The following MASP1 variants were observed in gnomAD, a reference collection of about 807,000 sequenced individuals.
MASP1 encodes mannan-binding lectin serine protease 1.
MASP1 carries 59 observed loss-of-function variants against 77.1 expected under a neutral mutation model. The ratio of observed to expected loss-of-function variants is 0.77; its 90% confidence interval spans 0.62 to 0.95. MASP1 has a LOEUF of 0.95. Among genes scored for constraint, MASP1 ranks in the 40% least tolerant of loss-of-function variants. The pLI, the probability that MASP1 is intolerant of heterozygous loss-of-function variation, is 0.00. For synonymous variants in MASP1, 362 were observed against 354.5 expected, an observed-to-expected ratio of 1.02 and a Z score of -0.24; for missense variants, 885 against 912.9, an observed-to-expected ratio of 0.97 and a Z score of 0.39.
intron 8 of MASP1, chr3:187,245,000 A>G (rs747930261): frequency 7.2e-5 from 11 of 152,222 alleles, no homozygotes; most frequent in Non-Finnish European, 1.6e-4. Flanking sequence ...GGAGGAAAAG[A>G]TGAAGGAGGG....
chr3:187,273,018 C>G (rs1443443317), intron 2 of MASP1, among the ~76,000 whole-genome samples: 2 of 152,136 alleles, frequency 1.3e-5, no homozygotes, highest in African/African-American at 4.8e-5. Flanking sequence ...ATACGTTGAG[C>G]ACTCAGTACA....
At chr3:187,287,657 C>T (rs1717972573) in intron 1 of MASP1, among the ~76,000 whole-genome samples, 1 of 152,138 alleles carries the variant, frequency 6.6e-6, no homozygotes, top group Non-Finnish European at 1.5e-5. Flanking sequence ...ATATAAAGGT[C>T]CCAGTACAGA....
chr3:187,234,417 A>G lies in MASP1; in HGVS notation c.*1267T>C. The G allele has an allele frequency of 7.8e-7, 1 of 1,286,628 alleles. No homozygotes were observed. The highest frequency in any genetic ancestry group is 1.2e-5 in the South Asian group (1 of 80,922). The allele number at this position is 1,286,628 out of a possible 1,614,324, so 79.7% of individuals were successfully genotyped here. A position where few individuals can be genotyped will look rare whatever the true frequency, so the allele number is the denominator to read the frequency against. ...GCTCTGAGTGCTCCAGCTAGAAGGA[A>G]CCTGCAGGGGACCTTATGCCAGCCT... On this transcript the variant is annotated 3_prime_UTR_variant, in exon 11 of 11. Transcript: ENST00000296280.
At chr3:187,242,093 G>A (rs1411387076) in intron 9 of MASP1, 1 of 159,420 alleles carries the variant, frequency 6.3e-6, no homozygotes, top group East Asian at 1.8e-4. Flanking sequence ...GCTCCCTGTT[G>A]CACAGATGCC....
intron 2 of MASP1, among the ~76,000 whole-genome samples, chr3:187,278,005 C>A (rs1275409037): frequency 2.0e-5 from 3 of 152,174 alleles, no homozygotes; most frequent in African/African-American, 7.2e-5. Flanking sequence ...TGATACCAGG[C>A]AGACACTTTA....
At chr3:187,233,095 C>T (rs1712869278), downstream of MASP1, among the ~76,000 whole-genome samples, 1 of 152,160 alleles carries the variant, frequency 6.6e-6, no homozygotes, top group South Asian at 2.1e-4. Flanking sequence ...TGGGTCTGCA[C>T]CATCCCTCAT....
chr3:187,254,856 C>A (rs1186021754), intron 5 of MASP1, among the ~76,000 whole-genome samples: 2 of 152,056 alleles, frequency 1.3e-5, no homozygotes, highest in African/African-American at 4.8e-5. Context: ...GGCCATGACT[C>A]CTTATCTATC....
intron 4 of MASP1, 90 bp from the exon 5 acceptor site, chr3:187,256,950 TCC>T: frequency 8.9e-7 from 1 of 1,119,868 alleles, no homozygotes. Context: ...TTCCCAATGG[TCC>T]CAAGCAGTAG....
chr3:187,219,527 C>T (rs7611174), exon 16 of MASP1: 4,779 of 161,446 alleles, frequency 0.03, 261 homozygotes, highest in African/African-American at 0.11. Context: ...GCAAGTTGCA[C>T]GGTGGCAAAA....
In MASP1 at chr3:187,236,036, G is replaced by T. The variant is rs747024299; in HGVS notation, c.1835C>A (p.Thr612Asn). The change falls in exon 11 of 11, where the codon ACC (threonine) becomes AAC (asparagine). Residue 612 changes from threonine (T) to asparagine (N), a missense_variant. Thr to Asn is a moderately conservative substitution (Grantham distance 65, BLOSUM62 0). Coordinates refer to ENST00000296280, the MANE Select transcript of MASP1 (RefSeq NM_139125.4). ...GACATACTGCAGGACATCTGACAAG[G>T]TCCGTGTGCCACTGCTGATGATCTC... ...VDEIISSGTR[T>N]LSDVLQYVKL... 1.9e-6 allele frequency: 3 copies of T among 1,614,162 alleles called. No individual in the cohort carries two copies.
exon 16 of MASP1, chr3:187,220,111 T>C (rs1711950712): frequency 6.2e-7 from 1 of 1,613,986 alleles, no homozygotes; most frequent in African/African-American, 1.3e-5. Context: ...CCAGTCCTTG[T>C]TGTGGTGGAT....
chr3:187,272,010 A>T (rs1224571919), intron 2 of MASP1, among the ~76,000 whole-genome samples: 2 of 151,688 alleles, frequency 1.3e-5, no homozygotes, highest in African/African-American at 4.9e-5. Flanking sequence ...CCTAAAACTC[A>T]CAGATGGCAG....
chr3:187,236,772 G>A (rs1436982865), intron 10 of MASP1, among the ~76,000 whole-genome samples: 1 of 152,180 alleles, frequency 6.6e-6, no homozygotes, highest in African/African-American at 2.4e-5. Flanking sequence ...CCCATCTCTA[G>A]TCTGGCTTTT....
chr3:187,235,975 A>G lies in MASP1; in HGVS notation c.1896T>C (p.Thr632=), dbSNP rs710457. The change falls in exon 11 of 11, where the codon ACT becomes ACC. Residue 632 remains threonine (T), a synonymous_variant. Coordinates refer to ENST00000296280, the MANE Select transcript of MASP1 (RefSeq NM_139125.4). ...AATTGCCCGAGCGGGACTCATAGCT[A>G]GTTTTGCACTCAGCGTGAGGCACCA... The part of the protein sequence containing the change: ...LPVVPHAECK[T]SYESRSGNYS... 4 of 1,614,230 alleles carry G rather than the reference A, an allele frequency of 2.5e-6. No individual in the cohort carries two copies. Among genetic ancestry groups the G allele is most frequent in the Middle Eastern group, 1.6e-4 (1 of 6,062 alleles).
intron 10 of MASP1, among the ~76,000 whole-genome samples, chr3:187,237,891 T>A (rs1204523988): frequency 6.6e-6 from 1 of 152,220 alleles, no homozygotes; most frequent in African/African-American, 2.4e-5. Context: ...GAGAGCAGGC[T>A]TTTAGCAACC....
At chr3:187,247,227 G>A (rs1166528194) in intron 8 of MASP1, 2 of 1,600,158 alleles carry the variant, frequency 1.2e-6, no homozygotes, top group Non-Finnish European at 1.7e-6. Flanking sequence ...CACATGGAAA[G>A]GGGCACGGGG....
At position 187,235,191 on chromosome 3, in the gene MASP1, G is replaced by C; in HGVS notation, c.*493C>G. 7.8e-7 allele frequency: 1 copy of C among 1,288,160 alleles called. No individual in the cohort carries two copies. The highest frequency in any genetic ancestry group is 1.0e-6 in the Non-Finnish European group (1 of 989,334). The allele number at this position is 1,288,160 out of a possible 1,614,324, so 79.8% of individuals were successfully genotyped here. Reference sequence around the variant, plus strand: ...CCAAAACCTGAATGCTCTTCTCCTAGAGGAAGGATTAGGCCAAGGCTAGTC... The same window carrying C: ...CCAAAACCTGAATGCTCTTCTCCTACAGGAAGGATTAGGCCAAGGCTAGTC... On this transcript the variant is annotated 3_prime_UTR_variant, in exon 11 of 11. Coordinates refer to ENST00000296280, the MANE Select transcript of MASP1 (RefSeq NM_139125.4).
At chr3:187,265,212 G>C (rs1250363209) in intron 2 of MASP1, among the ~76,000 whole-genome samples, 1 of 152,170 alleles carries the variant, frequency 6.6e-6, no homozygotes, top group Non-Finnish European at 1.5e-5. Context: ...ATAATGAATA[G>C]TCATGCCTTG....
At position 187,258,247 on chromosome 3, in the gene MASP1, C is replaced by T. The variant is rs184329077; in HGVS notation, c.548-1387G>A. On this transcript the variant is annotated intron_variant, in intron 4 of 10. Coordinates refer to ENST00000296280, the MANE Select transcript of MASP1 (RefSeq NM_139125.4). ...AGCCATAACTGTAGCTTTGAATGGA[C>T]AAGACATTGATTTCAGTCACTTTCT... Among the ~76,000 whole-genome samples the T allele has an allele frequency of 3.3e-5, 5 of 152,314 alleles. No homozygotes were observed. In the East Asian group the frequency reaches 9.6e-4, roughly 29 times the overall value.
Sources: allele counts gnomAD v4.1 joint callset (sites outside exome capture counted in the v4.1 genomes callset), GRCh38; gene constraint gnomAD v4.1.1; transcripts MANE v1.5; gene names NCBI Gene and HGNC (gene_info 2026-07-23, HGNC 2026-07-21).